Variants in PPP5C observed in about 807,000 individuals in gnomAD.
The protein encoded by PPP5C is serine/threonine-protein phosphatase 5.
PPP5C carries 21 observed loss-of-function variants against 66.7 expected under a neutral mutation model. That is an observed-to-expected ratio of 0.31 (90% confidence interval 0.22 to 0.45). The LOEUF (loss-of-function observed/expected upper bound fraction) is 0.45, where lower values mean the gene tolerates loss of function less well. PPP5C is among the 20% of genes least tolerant of loss of function. PPP5C has a pLI of 1.00. For synonymous variants in PPP5C, 246 were observed against 257.4 expected (o/e 0.96, Z 0.43); for missense variants, 464 against 675.9 (o/e 0.69, Z 3.48).
Position 46,367,269 on chromosome 19 carries a change from G to A in PPP5C, c.364-8335G>A, listed in dbSNP as rs544888485. ...GCTGGTAGATAGAGCCTTGGTGCTA[G>A]GACCATTACATCAGGTAGGAGAAAG... On this transcript the variant is annotated intron_variant, in intron 2 of 12. Coordinates refer to ENST00000012443, the MANE Select transcript of PPP5C (RefSeq NM_006247.4). 1.3e-4 allele frequency among the ~76,000 whole-genome samples: 20 copies of A among 152,326 alleles called. No individual in the cohort carries two copies. In the South Asian group the frequency reaches 3.9e-3, roughly 30 times the overall value.
chr19:46,373,949 C>T (rs1005203521), intron 2 of PPP5C, among the ~76,000 whole-genome samples: 8 of 152,126 alleles, frequency 5.3e-5, no homozygotes, highest in African/African-American at 1.7e-4. Flanking sequence ...ATGCCGGGGA[C>T]ATGAGTGGTC....
At chr19:46,365,181 T>C (rs1438860506) in intron 2 of PPP5C, among the ~76,000 whole-genome samples, 2 of 150,996 alleles carry the variant, frequency 1.3e-5, no homozygotes, top group Non-Finnish European at 3.0e-5. Context: ...CGGGGTTTCA[T>C]GATGTTGGCC....
Position 46,390,103 on chromosome 19 carries a change from C to CG in PPP5C, c.1410dup (p.Pro471AlafsTer32). 1 of 1,614,166 alleles carries CG rather than the reference C, an allele frequency of 6.2e-7. No individual in the cohort carries two copies. The highest frequency in any genetic ancestry group is 8.5e-7 in the Non-Finnish European group (1 of 1,180,014). On this transcript the variant is annotated frameshift_variant, in exon 12 of 13. Coordinates refer to ENST00000012443, the MANE Select transcript of PPP5C (RefSeq NM_006247.4). LOFTEE classifies it high-confidence loss of function. The stretch of plus-strand genomic sequence containing the variant: ...CATCCACCTCCAGGGCTCTGACCTA[C>CG]GGCCTCAGTTCCACCAGTTCACAGC...
intron 2 of PPP5C, among the ~76,000 whole-genome samples, chr19:46,366,054 A>AG (rs1169313410): frequency 1.3e-5 from 2 of 152,116 alleles, no homozygotes; most frequent in Non-Finnish European, 1.5e-5. Context: ...CTGACAAGAG[A>AG]GGGGGTCCAG....
Position 46,383,425 on chromosome 19 carries a change from CA to C in PPP5C, c.651del (p.Glu218ArgfsTer6). 6.2e-7 allele frequency: 1 copy of C among 1,611,074 alleles called. No homozygotes were observed. The highest frequency in any genetic ancestry group is 8.5e-7 in the Non-Finnish European group (1 of 1,178,558). On this transcript the variant is annotated frameshift_variant, in exon 5 of 13. Transcript: ENST00000012443. LOFTEE classifies it high-confidence loss of function. This position sits in a 1 kb window ranked among gnomAD's most constrained non-coding sequence, Gnocchi z 5.0. ...KCAYQILVQV[K>X]EVLSKLSTLV... ...CTGCCTTCCAGATTCTGGTACAGGTCAAAGAGGTCCTCTCCAAGCTGAGCAC... is the reference window on the plus strand; with the variant it reads ...CTGCCTTCCAGATTCTGGTACAGGTCAAGAGGTCCTCTCCAAGCTGAGCAC...
chr19:46,383,571 C>T lies in PPP5C; in HGVS notation c.699+95C>T. The T allele has an allele frequency of 1.6e-6, 2 of 1,287,214 alleles. No individual in the cohort carries two copies. The highest frequency in any genetic ancestry group is 2.5e-5 in the East Asian group (1 of 39,358). The allele number at this position is 1,287,214 out of a possible 1,614,324, so 79.7% of individuals were successfully genotyped here. Reference sequence around the variant, plus strand: ...GCTCAGGAACTCACGGATCCACCTCCCTCTCTCCCTCACACCCCACCCCTG... The same window carrying T: ...GCTCAGGAACTCACGGATCCACCTCTCTCTCTCCCTCACACCCCACCCCTG... On this transcript the variant is annotated intron_variant, in intron 5 of 12. Transcript: ENST00000012443. The surrounding 1 kb of genome is among the most constrained non-coding windows in gnomAD (Gnocchi z 5.0).
chr19:46,370,982 C>T (rs1387002953), intron 2 of PPP5C, among the ~76,000 whole-genome samples: 4 of 152,106 alleles, frequency 2.6e-5, no homozygotes, highest in South Asian at 2.1e-4. Context: ...CCTCATGATC[C>T]GCCCACCTCG....
intron 6 of PPP5C, 156 bp downstream of exon 6, chr19:46,384,034 A>C: frequency 1.5e-6 from 1 of 669,792 alleles, no homozygotes. Context: ...GTGGAGCTGC[A>C]GGCTGGCCAT....
At position 46,379,380 on chromosome 19, in the gene PPP5C, G is replaced by A. The variant is rs991198164; in HGVS notation, c.633+2806G>A. Among the ~76,000 whole-genome samples, 3 of 152,142 alleles carry A rather than the reference G, an allele frequency of 2.0e-5. No homozygotes were observed. In the South Asian group the frequency reaches 6.2e-4, roughly 31 times the overall value. ...TTTTTGTATTTTTAATAGAGACAGT[G>A]TTTCACCATGTTGGTCAAGTTGGTC... On this transcript the variant is annotated intron_variant, in intron 4 of 12. Coordinates refer to ENST00000012443, the MANE Select transcript of PPP5C (RefSeq NM_006247.4).
chr19:46,350,840 G>C (rs1397002282), intron 1 of PPP5C, among the ~76,000 whole-genome samples: 2 of 152,124 alleles, frequency 1.3e-5, no homozygotes, highest in Non-Finnish European at 2.9e-5. Flanking sequence ...CCCACGTTCA[G>C]GTTCCTCCCA....
In PPP5C at chr19:46,390,109, C is replaced by T. The variant is rs1347121839; in HGVS notation, c.1414C>T (p.Gln472Ter). 1.2e-6 allele frequency: 2 copies of T among 1,614,160 alleles called. No homozygotes were observed. The highest frequency in any genetic ancestry group is 1.7e-6 in the Non-Finnish European group (2 of 1,179,994). The change falls in exon 12 of 13, where the codon CAG becomes TAG. Residue 472 changes from glutamine to a stop codon, truncating the protein, a stop_gained. Coordinates refer to ENST00000012443, the MANE Select transcript of PPP5C (RefSeq NM_006247.4). LOFTEE classifies it high-confidence loss of function. ...CCTCCAGGGCTCTGACCTACGGCCT[C>T]AGTTCCACCAGTTCACAGCAGTGGT... ...IHLQGSDLRPQFHQFTAVPHP... is the reference protein window; with the variant it reads ...IHLQGSDLRP
rs1168918318 is a variant in PPP5C at position 46,387,674 on chromosome 19, G to A, written c.1135+221G>A. The A allele has an allele frequency of 4.0e-6, 6 of 1,482,282 alleles. No individual in the cohort carries two copies. The East Asian group carries it at 1.3e-4, about 31-fold the overall frequency. The allele number at this position is 1,482,282 out of a possible 1,614,324, so 91.8% of individuals were successfully genotyped here. ...GACCATGGTGCGGGGTGAAGGCACG[G>A]TGACCGCCGAGCACACCTGTCCTTA... On this transcript the variant is annotated intron_variant, in intron 9 of 12. Transcript: ENST00000012443.
chr19:46,390,975 C>A lies in PPP5C; in HGVS notation c.*629C>A. 1 of 1,201,698 alleles carries A rather than the reference C, an allele frequency of 8.3e-7. No homozygotes were observed. Among genetic ancestry groups the A allele is most frequent in the Non-Finnish European group, 1.1e-6 (1 of 944,860 alleles). 74.4% of individuals were successfully genotyped at this position (1,201,698 alleles called of 1,614,324 possible). A position where few individuals can be genotyped will look rare whatever the true frequency, so the allele number is the denominator to read the frequency against. ...CGGGCCCACCCAGCTCTGGGCTGAC[C>A]GCCCAAGTGGCCTCTGCCTCTGCCC... On this transcript the variant is annotated 3_prime_UTR_variant, in exon 13 of 13. Transcript: ENST00000012443.
In PPP5C at chr19:46,383,524, C is replaced by T. The variant is rs1267938368; in HGVS notation, c.699+48C>T. On this transcript the variant is annotated intron_variant, in intron 5 of 12. Transcript: ENST00000012443. The surrounding 1 kb of genome is among the most constrained non-coding windows in gnomAD (Gnocchi z 5.0). The stretch of plus-strand genomic sequence containing the variant: ...GGGAGGGCCAGCGGGGGTGGGCTCT[C>T]TGGCTGGGGAGGGGCCACAGAGCTC... The T allele has an allele frequency of 6.6e-7, 1 of 1,524,284 alleles. No homozygotes were observed. Among genetic ancestry groups the T allele is most frequent in the Non-Finnish European group, 8.9e-7 (1 of 1,121,044 alleles). 94.4% of individuals were successfully genotyped at this position (1,524,284 alleles called of 1,614,324 possible). A position where few individuals can be genotyped will look rare whatever the true frequency, so the allele number is the denominator to read the frequency against.
chr19:46,385,457 A>G (rs1418236194), intron 7 of PPP5C, among the ~76,000 whole-genome samples: 2 of 152,168 alleles, frequency 1.3e-5, no homozygotes, highest in Non-Finnish European at 2.9e-5. Flanking sequence ...CAGCCTGGGC[A>G]ACACAGTGAG....
chr19:46,375,031 G>A (rs1972666978), intron 2 of PPP5C, among the ~76,000 whole-genome samples: 1 of 152,224 alleles, frequency 6.6e-6, no homozygotes, highest in African/African-American at 2.4e-5. Context: ...ACTCGGTGCT[G>A]CTGCCCACCT....
chr19:46,371,840 G>A (rs1175632519), intron 2 of PPP5C, among the ~76,000 whole-genome samples: 2 of 152,172 alleles, frequency 1.3e-5, no homozygotes, highest in Non-Finnish European at 2.9e-5. Flanking sequence ...TCCCTTCTGG[G>A]CTGCTGCTCA....
intron 2 of PPP5C, among the ~76,000 whole-genome samples, chr19:46,362,549 AG>A (rs995324484): frequency 1.3e-5 from 2 of 152,108 alleles, no homozygotes; most frequent in African/African-American, 4.8e-5. Context: ...TATTATTAAA[AG>A]TTCATTTATA....
chr19:46,383,649 G>A lies in PPP5C; in HGVS notation c.700-131G>A, dbSNP rs181665365. The A allele has an allele frequency of 9.7e-6, 10 of 1,028,546 alleles. No individual in the cohort carries two copies. The highest frequency in any genetic ancestry group is 1.6e-5 in the African/African-American group (1 of 62,572). 63.7% of individuals were successfully genotyped at this position (1,028,546 alleles called of 1,614,324 possible). A position where few individuals can be genotyped will look rare whatever the true frequency, so the allele number is the denominator to read the frequency against. On this transcript the variant is annotated intron_variant, in intron 5 of 12. Coordinates refer to ENST00000012443, the MANE Select transcript of PPP5C (RefSeq NM_006247.4). This position sits in a 1 kb window ranked among gnomAD's most constrained non-coding sequence, Gnocchi z 5.0. ...TCTCCTGGCCTCTTGGTCTTCGTTT[G>A]TGTTCCCTGCTTGTGTCTCTTGCAT...
Sources: gnomAD v4.1 joint callset for allele counts (sites outside exome capture counted in the v4.1 genomes callset) on GRCh38, gnomAD v4.1.1 for gene constraint, Gnocchi (gnomAD v3.1) non-coding constraint, MANE v1.5 for transcripts, NCBI Gene and HGNC (gene_info 2026-07-23, HGNC 2026-07-21) for gene names.